Variants in ZCWPW1 observed in about 807,000 individuals in gnomAD.
ZCWPW1 encodes zinc finger CW-type and PWWP domain containing 1.
Under a neutral mutation model 81.3 loss-of-function variants are expected in ZCWPW1, and 56 were observed. The observed-to-expected ratio is 0.69, with a 90% CI of 0.56 to 0.86. The LOEUF (loss-of-function observed/expected upper bound fraction) is 0.86. Among genes scored for constraint, ZCWPW1 ranks in the 40% least tolerant of loss-of-function variants. ZCWPW1 has a pLI of 0.00. For synonymous variants in ZCWPW1, 250 were observed against 273.7 expected, an observed-to-expected ratio of 0.91 and a Z score of 0.86; for missense variants, 650 against 769.8, an observed-to-expected ratio of 0.84 and a Z score of 1.84.
chr7:100,405,397 A>G (rs1247556132), intron 12 of ZCWPW1, among the ~76,000 whole-genome samples: 1 of 152,052 alleles, frequency 6.6e-6, no homozygotes, highest in Non-Finnish European at 1.5e-5. Flanking sequence ...ACTGAACTCC[A>G]GCCTGGGGGA....
At chr7:100,409,236 A>G (rs1793698572) in intron 9 of ZCWPW1, among the ~76,000 whole-genome samples, 192 bp downstream of exon 9, 2 of 152,156 alleles carry the variant, frequency 1.3e-5, no homozygotes, top group African/African-American at 4.8e-5. Flanking sequence ...ATCACTTTAC[A>G]GGGCATCTTC....
At chr7:100,418,515 G>T (rs1376526651) in intron 5 of ZCWPW1, among the ~76,000 whole-genome samples, 2 of 152,084 alleles carry the variant, frequency 1.3e-5, no homozygotes, top group Admixed American at 6.5e-5. Flanking sequence ...ACAACAGGCT[G>T]GGTGCAGTGG....
Position 100,421,342 on chromosome 7 carries a change from G to C in ZCWPW1, c.-29-664C>G, listed in dbSNP as rs189830785. 8.5e-5 allele frequency among the ~76,000 whole-genome samples: 13 copies of C among 152,178 alleles called. No homozygotes were observed. In the East Asian group the frequency reaches 2.5e-3, roughly 29 times the overall value. On this transcript the variant is annotated intron_variant, in intron 2 of 17. Coordinates refer to ENST00000684423, the MANE Select transcript of ZCWPW1 (RefSeq NM_001386010.1). The stretch of plus-strand genomic sequence containing the variant: ...TGGCAGTTAAGAGTTTTCTTCAGAG[G>C]GATAGCCTCATTTCATAAGCCTCTC...
At chr7:100,425,501 T>C (rs1311645314) in intron 1 of ZCWPW1, among the ~76,000 whole-genome samples, 1 of 152,208 alleles carries the variant, frequency 6.6e-6, no homozygotes, top group African/African-American at 2.4e-5. Context: ...TTTATTTCAC[T>C]TAGAACATTA....
At position 100,419,767 on chromosome 7, in the gene ZCWPW1, T is replaced by C. The variant is rs1796016395; in HGVS notation, c.145A>G (p.Thr49Ala). 2.5e-6 allele frequency: 4 copies of C among 1,614,132 alleles called. No individual in the cohort carries two copies. Residue 49 changes from threonine to alanine, a missense_variant, in exon 4 of 18, where the codon ACA becomes GCA. By Grantham distance (58) the Thr-to-Ala change is moderately conservative. Coordinates refer to ENST00000684423, the MANE Select transcript of ZCWPW1 (RefSeq NM_001386010.1). ...EETPGISSPE[T>A]EARISLPKAS... ...TTTGGCAGGCTTATCCTGGCCTCTGTCTCTGGGGAACTGATCCCCGGGGTC... is the reference window on the plus strand; with the variant it reads ...TTTGGCAGGCTTATCCTGGCCTCTGCCTCTGGGGAACTGATCCCCGGGGTC...
At chr7:100,421,155 T>C (rs1289104577) in intron 2 of ZCWPW1, among the ~76,000 whole-genome samples, 1 of 152,062 alleles carries the variant, frequency 6.6e-6, no homozygotes, top group Admixed American at 6.6e-5. Context: ...GACTCAAAAA[T>C]TTAAATAACA....
At chr7:100,402,153 T>G in intron 16 of ZCWPW1, 112 bp from the exon 17 acceptor site, 1 of 1,385,430 alleles carries the variant, frequency 7.2e-7, no homozygotes, top group Non-Finnish European at 9.8e-7. Context: ...TCAGTTGCAA[T>G]CTAGTGAGTT....
rs1374621515 is a variant in ZCWPW1, at chr7:100,400,909, C to T, written c.*105G>A. 9 of 1,264,174 alleles carry T rather than the reference C, an allele frequency of 7.1e-6. No individual in the cohort carries two copies. The highest frequency in any genetic ancestry group is 9.5e-6 in the Non-Finnish European group (9 of 943,446). The allele number at this position is 1,264,174 out of a possible 1,614,324, so 78.3% of individuals were successfully genotyped here. The stretch of plus-strand genomic sequence containing the variant: ...TGCTTTATTAACACAGAAACTGCAC[C>T]ACACACATTTGAACCTCATAGCCAA... On this transcript the variant is annotated 3_prime_UTR_variant, in exon 18 of 18. Coordinates refer to ENST00000684423, the MANE Select transcript of ZCWPW1 (RefSeq NM_001386010.1).
chr7:100,402,161 G>T, intron 16 of ZCWPW1, 120 bp from the exon 17 acceptor site: 1 of 1,316,328 alleles, frequency 7.6e-7, no homozygotes, highest in African/African-American at 1.5e-5. Flanking sequence ...AATCTAGTGA[G>T]TTTTCCTGGT....
At chr7:100,419,246 T>C in intron 4 of ZCWPW1, 57 bp from the exon 5 acceptor site, 1 of 1,506,280 alleles carries the variant, frequency 6.6e-7, no homozygotes, top group Non-Finnish European at 9.1e-7. Context: ...TTTTCCCCTC[T>C]GAACAGTCAG....
chr7:100,402,183 C>G (rs541882150), intron 16 of ZCWPW1, 142 bp from the exon 17 acceptor site: 7 of 1,077,832 alleles, frequency 6.5e-6, no homozygotes, highest in Middle Eastern at 3.2e-4. Context: ...GCCTCTGGCT[C>G]TTTTTCAACA....
chr7:100,402,661 G>A, intron 15 of ZCWPW1, 85 bp from the exon 16 acceptor site: 3 of 1,386,694 alleles, frequency 2.2e-6, no homozygotes, highest in Non-Finnish European at 3.1e-6. Flanking sequence ...CAGAATGACA[G>A]GTGGGCTTTG....
Position 100,401,188 on chromosome 7 carries a change from G to A in ZCWPW1, c.1776C>T (p.His592=). The A allele has an allele frequency of 6.2e-7, 1 of 1,614,248 alleles. No individual in the cohort carries two copies. Among genetic ancestry groups the A allele is most frequent in the Non-Finnish European group, 8.5e-7 (1 of 1,180,036 alleles). ...CPSSAKEEPR[H]REPLTQEAGS... is the part of the protein sequence containing the mutation. ...CAGCCTCCTGGGTCAGGGGTTCCCG[G>A]TGTCTGGGCTCTTCTTTCGCAGATG... The change falls in exon 18 of 18, where the codon CAC becomes CAT. Residue 592 remains histidine (H), a synonymous_variant. Coordinates refer to ENST00000684423, the MANE Select transcript of ZCWPW1 (RefSeq NM_001386010.1).
chr7:100,417,112 C>G lies in ZCWPW1; in HGVS notation c.433G>C (p.Glu145Gln). 1.2e-6 allele frequency: 2 copies of G among 1,614,084 alleles called. No homozygotes were observed. The highest frequency in any genetic ancestry group is 1.3e-5 in the African/African-American group (1 of 75,016). ...QPVVSTQSDK[E>Q]PGITASATDT... ...GTAGCAGAAGCAGTAATTCCTGGCT[C>G]CTTGTCTGATTGGGTAGATACTACG... The change falls in exon 6 of 18, where the codon GAG becomes CAG. Residue 145 changes from glutamate (E) to glutamine (Q), a missense_variant. Transcript: ENST00000684423.
At chr7:100,423,391 C>A (rs1301911285) in intron 2 of ZCWPW1, among the ~76,000 whole-genome samples, 1 of 152,140 alleles carries the variant, frequency 6.6e-6, no homozygotes, top group Non-Finnish European at 1.5e-5. Flanking sequence ...TATACACTTC[C>A]CTTTAAAGGA....
rs1434935303 is a variant in ZCWPW1, at chr7:100,407,208, C to T, written c.1068+20G>A. 6.2e-7 allele frequency: 1 copy of T among 1,612,644 alleles called. No homozygotes were observed. Among genetic ancestry groups the T allele is most frequent in the African/African-American group, 1.3e-5 (1 of 74,868 alleles). ...TTACTTTGGCCTGAGCTCCTTCTTA[C>T]CCTGAACCAGGAAACTCACCGGCAG... On this transcript the variant is annotated intron_variant, in intron 11 of 17. Transcript: ENST00000684423.
chr7:100,409,321 A>T, intron 9 of ZCWPW1, 107 bp downstream of exon 9: 1 of 876,418 alleles, frequency 1.1e-6, no homozygotes, highest in Non-Finnish European at 1.8e-6. Context: ...CTACAAGGAC[A>T]CTGAGTGCTA....
At position 100,402,528 on chromosome 7, in the gene ZCWPW1, T is replaced by C; in HGVS notation, c.1462A>G (p.Thr488Ala). The C allele has an allele frequency of 1.2e-6, 2 of 1,614,040 alleles. No individual in the cohort carries two copies. Among genetic ancestry groups the C allele is most frequent in the Non-Finnish European group, 8.5e-7 (1 of 1,179,938 alleles). ...CTGGCCTGCTTACCTCTTGGCTTGG[T>C]TTTTTGGGTCTGTATTTTGACTCGC... ...RKRVKIQTQKTKPRGLGGDAG... is the reference protein window; with the variant it reads ...RKRVKIQTQKAKPRGLGGDAG... The change falls in exon 16 of 18, where the codon ACC becomes GCC. Residue 488 changes from threonine to alanine, a missense_variant. By Grantham distance (58) the Thr-to-Ala change is moderately conservative. Transcript: ENST00000684423.
At chr7:100,404,313 T>C in intron 13 of ZCWPW1, 69 bp from the exon 14 acceptor site, 1 of 1,361,868 alleles carries the variant, frequency 7.3e-7, no homozygotes, top group Non-Finnish European at 1.0e-6. Flanking sequence ...TTCTGTCTTC[T>C]GGAATTTAGT....
Sources: gnomAD v4.1 joint callset for allele counts (sites outside exome capture counted in the v4.1 genomes callset) on GRCh38, gnomAD v4.1.1 for gene constraint, MANE v1.5 for transcripts, NCBI Gene and HGNC (gene_info 2026-07-23, HGNC 2026-07-21) for gene names.